Variants in CAMSAP1 observed in about 807,000 individuals in gnomAD.
CAMSAP1 encodes the protein calmodulin regulated spectrin associated protein 1, also known as calmodulin-regulated spectrin-associated protein 1.
Under a neutral mutation model 143.5 loss-of-function variants are expected in CAMSAP1, and 58 were observed. The observed-to-expected ratio is 0.40, with a 90% CI of 0.33 to 0.50. CAMSAP1 has a LOEUF of 0.50. Among genes scored for constraint, CAMSAP1 ranks in the 20% least tolerant of loss-of-function variants. CAMSAP1 has a pLI of 0.45. For missense variants in CAMSAP1, 1,969 were observed against 2,115.7 expected, an observed-to-expected ratio of 0.93 and a Z score of 1.36; for synonymous variants, 945 against 859.3, an observed-to-expected ratio of 1.10 and a Z score of -1.74.
rs924232620 is a variant in CAMSAP1 at position 135,809,358 on chromosome 9, C to G, written c.*1951G>C. On this transcript the variant is annotated 3_prime_UTR_variant, in exon 17 of 17. Transcript: ENST00000389532. ...AGTTTCAGGATGTTCCACACACTGA[C>G]TCATTCCATGGAGAAAATCCAGAAT... 1 of 152,234 alleles carries G rather than the reference C, an allele frequency of 6.6e-6. No homozygotes were observed. Among genetic ancestry groups the G allele is most frequent in the African/African-American group, 2.4e-5 (1 of 41,454 alleles). 9.4% of individuals were successfully genotyped at this position (152,234 alleles called of 1,614,324 possible).
At chr9:135,862,338 A>G (rs991021028) in intron 5 of CAMSAP1, 129 bp downstream of exon 5, 1 of 1,125,676 alleles carries the variant, frequency 8.9e-7, no homozygotes, top group Admixed American at 2.8e-5. Context: ...ATAGGCTAAC[A>G]TCCCAATTTA....
intron 1 of CAMSAP1, among the ~76,000 whole-genome samples, chr9:135,888,926 C>T (rs980075281): frequency 2.6e-5 from 4 of 152,220 alleles, no homozygotes; most frequent in African/African-American, 7.2e-5. Flanking sequence ...AAGCACACAC[C>T]CCACAGGGCG....
chr9:135,891,599 A>G (rs1346765577), intron 1 of CAMSAP1, among the ~76,000 whole-genome samples: 1 of 152,220 alleles, frequency 6.6e-6, no homozygotes, highest in East Asian at 1.9e-4. Context: ...AAGGACTTTA[A>G]CAGGACCCAG....
At position 135,820,234 on chromosome 9, in the gene CAMSAP1, C is replaced by A. The variant is rs544056024; in HGVS notation, c.3822+605G>T. 6.6e-6 allele frequency among the ~76,000 whole-genome samples: 1 copy of A among 152,114 alleles called. No individual in the cohort carries two copies. The highest frequency in any genetic ancestry group is 2.4e-5 in the African/African-American group (1 of 41,416). ...CTATCTAAACATTGAAAAACTACCA[C>A]GAAAACATGGTCTTATCATCTTAGG... On this transcript the variant is annotated intron_variant, in intron 11 of 16. Transcript: ENST00000389532. This position sits in a 1 kb window ranked among gnomAD's most constrained non-coding sequence, Gnocchi z 4.4.
chr9:135,820,952 C>G lies in CAMSAP1; in HGVS notation c.3709G>C (p.Asp1237His). Residue 1237 changes from aspartate (D) to histidine (H), a missense_variant, in exon 11 of 17, where the codon GAC (aspartate) becomes CAC (histidine). Asp to His is a moderately conservative substitution (Grantham distance 81). Around this residue, in one of 4 missense-constraint regions of CAMSAP1, gnomAD observed 1,390 missense variants for 1,420.8 expected, o/e 0.98. Coordinates refer to ENST00000389532, the MANE Select transcript of CAMSAP1 (RefSeq NM_015447.4). The surrounding 1 kb of genome is among the most constrained non-coding windows in gnomAD (Gnocchi z 4.4). Reference protein sequence around the residue: ...LRSRASLIEVDLSDLKAPDED... With the variant: ...LRSRASLIEVHLSDLKAPDED... ...TCGGGGGCCTTCAGGTCGGAGAGGT[C>G]CACTTCAATGAGGCTGGCCCTGCTC... is the stretch of plus-strand genomic sequence containing the variant. The G allele has an allele frequency of 6.2e-7, 1 of 1,613,638 alleles. No homozygotes were observed. Among genetic ancestry groups the G allele is most frequent in the Non-Finnish European group, 8.5e-7 (1 of 1,179,684 alleles).
chr9:135,856,245 T>C (rs1484548523), intron 5 of CAMSAP1, among the ~76,000 whole-genome samples: 1 of 152,112 alleles, frequency 6.6e-6, no homozygotes, highest in African/African-American at 2.4e-5. Flanking sequence ...GGCCTCACCA[T>C]CATGGCGGAA....
At position 135,822,289 on chromosome 9, in the gene CAMSAP1, C is replaced by A. The variant is rs762747347; in HGVS notation, c.2372G>T (p.Arg791Leu). The A allele has an allele frequency of 6.2e-7, 1 of 1,613,844 alleles. No individual in the cohort carries two copies. Among genetic ancestry groups the A allele is most frequent in the African/African-American group, 1.3e-5 (1 of 74,926 alleles). The change falls in exon 11 of 17, where the codon CGC becomes CTC. Residue 791 changes from arginine to leucine, a missense_variant. Physicochemically the swap from Arg to Leu is moderately radical, Grantham distance 102. This residue lies in a region of CAMSAP1 where 1,390 missense variants were observed against 1,420.8 expected (regional missense o/e 0.98). Transcript: ENST00000389532. This position sits in a 1 kb window ranked among gnomAD's most constrained non-coding sequence, Gnocchi z 6.1. ...EHEDKDDASG[R>L]SSPCLSTASQ... ...GGCTGTGCTCAGGCAGGGGCTCGAG[C>A]GGCCGCTGGCGTCATCTTTGTCTTC... is the stretch of plus-strand genomic sequence containing the variant.
At chr9:135,836,340 T>C (rs1260511447) in intron 7 of CAMSAP1, 1 of 983,090 alleles carries the variant, frequency 1.0e-6, no homozygotes, top group East Asian at 1.2e-4. Flanking sequence ...CTTCTACCCA[T>C]TCCGCAGCCA....
chr9:135,832,360 C>T (rs1554790397), intron 7 of CAMSAP1, among the ~76,000 whole-genome samples: 1 of 151,670 alleles, frequency 6.6e-6, no homozygotes, highest in Non-Finnish European at 1.5e-5. Flanking sequence ...GTTCAACATC[C>T]ATTCATGATT....
In CAMSAP1 at chr9:135,821,824, T is replaced by C. The variant is rs768073394; in HGVS notation, c.2837A>G (p.Asp946Gly). The C allele has an allele frequency of 2.5e-6, 4 of 1,613,820 alleles. No individual in the cohort carries two copies. Among genetic ancestry groups the C allele is most frequent in the Non-Finnish European group, 3.4e-6 (4 of 1,179,894 alleles). Residue 946 changes from aspartate (D) to glycine (G), a missense_variant, in exon 11 of 17, where the codon GAC becomes GGC. Physicochemically the swap from Asp to Gly is moderately conservative, Grantham distance 94. Around this residue, in one of 4 missense-constraint regions of CAMSAP1, gnomAD observed 1,390 missense variants for 1,420.8 expected, o/e 0.98. Coordinates refer to ENST00000389532, the MANE Select transcript of CAMSAP1 (RefSeq NM_015447.4). The surrounding 1 kb of genome is among the most constrained non-coding windows in gnomAD (Gnocchi z 4.6). ...GGTTTTGGAAACAGCGTCCCCACAG[T>C]CCTCCCCGTTGTGCTGAGAGTACTC... ...AKEYSQHNGE[D>G]CGDAVSKTED...
chr9:135,851,868 G>A (rs1836795130), intron 5 of CAMSAP1, among the ~76,000 whole-genome samples: 3 of 152,182 alleles, frequency 2.0e-5, no homozygotes, highest in Admixed American at 6.5e-5. Flanking sequence ...GTGTACAGAC[G>A]GGTGTTGCCC....
rs889291393 is a variant in CAMSAP1, at chr9:135,808,780, A to G, written c.*2529T>C. 6 of 152,248 alleles carry G rather than the reference A, an allele frequency of 3.9e-5. No homozygotes were observed. Among genetic ancestry groups the G allele is most frequent in the Admixed American group, 6.5e-5 (1 of 15,284 alleles). The allele number at this position is 152,248 out of a possible 1,614,324, so 9.4% of individuals were successfully genotyped here. A position where few individuals can be genotyped will look rare whatever the true frequency, so the allele number is the denominator to read the frequency against. On this transcript the variant is annotated 3_prime_UTR_variant, in exon 17 of 17. Coordinates refer to ENST00000389532, the MANE Select transcript of CAMSAP1 (RefSeq NM_015447.4). Reference sequence around the variant, plus strand: ...GTATCTGCACATACATGCGTAAAATAATGGGACTCACGCAAGTTTCATTTC... The same window carrying G: ...GTATCTGCACATACATGCGTAAAATGATGGGACTCACGCAAGTTTCATTTC...
chr9:135,894,214 G>A (rs1436168365), intron 1 of CAMSAP1, among the ~76,000 whole-genome samples: 1 of 152,088 alleles, frequency 6.6e-6, no homozygotes, highest in African/African-American at 2.4e-5. Flanking sequence ...GCGGACCTGA[G>A]ACACCCCTCC....
chr9:135,867,469 A>AC (rs371398774), intron 3 of CAMSAP1, among the ~76,000 whole-genome samples: 13 of 123,606 alleles, frequency 1.1e-4, no homozygotes, highest in African/African-American at 2.3e-4. Context: ...ACACAGCAAG[A>AC]CCCCCCTCTT....
At chr9:135,843,314 C>G (rs142024000) in intron 7 of CAMSAP1, among the ~76,000 whole-genome samples, 2,765 of 152,000 alleles carry the variant, frequency 0.018, 47 homozygotes, top group South Asian at 0.074. Context: ...ACAACAAGAG[C>G]GAAACTCCAT....
intron 3 of CAMSAP1, among the ~76,000 whole-genome samples, chr9:135,880,622 G>A (rs1837912604): frequency 6.6e-6 from 1 of 152,182 alleles, no homozygotes; most frequent in African/African-American, 2.4e-5. Flanking sequence ...CGACGGAGGG[G>A]TCTTCCAGGG....
chr9:135,863,537 G>T (rs1009530998), intron 4 of CAMSAP1, among the ~76,000 whole-genome samples: 2 of 152,230 alleles, frequency 1.3e-5, no homozygotes, highest in Admixed American at 6.5e-5. Flanking sequence ...ACTGATTTCT[G>T]AGAGTCATGC....
At chr9:135,869,043 G>A (rs1330495374) in intron 3 of CAMSAP1, among the ~76,000 whole-genome samples, 1 of 152,044 alleles carries the variant, frequency 6.6e-6, no homozygotes, top group African/African-American at 2.4e-5. Context: ...CAAAACCCTG[G>A]GTGGGTAAAA....
In CAMSAP1 at chr9:135,821,674, A is replaced by G. The variant is rs746108156; in HGVS notation, c.2987T>C (p.Leu996Pro). ...AGCGGAGATCACCTTATTTCTCTCC[A>G]GCTCGTGCAGAGCCACAGGGTCTTT... ...KAKDPVALHELERNKVISAAL... is the reference protein window; with the variant it reads ...KAKDPVALHEPERNKVISAAL... Residue 996 changes from leucine (L) to proline (P), a missense_variant, in exon 11 of 17, where the codon CTG (leucine) becomes CCG (proline). Leu to Pro is a moderately conservative substitution (Grantham distance 98). This residue lies in a region of CAMSAP1 where 1,390 missense variants were observed against 1,420.8 expected (regional missense o/e 0.98). Coordinates refer to ENST00000389532, the MANE Select transcript of CAMSAP1 (RefSeq NM_015447.4). This position sits in a 1 kb window ranked among gnomAD's most constrained non-coding sequence, Gnocchi z 4.6. 1 of 1,614,018 alleles carries G rather than the reference A, an allele frequency of 6.2e-7. No individual in the cohort carries two copies. Among genetic ancestry groups the G allele is most frequent in the Admixed American group, 1.7e-5 (1 of 60,022 alleles).
Sources: allele counts gnomAD v4.1 joint callset (sites outside exome capture counted in the v4.1 genomes callset), GRCh38; gene constraint gnomAD v4.1.1; regional missense constraint gnomAD v4.1.1; non-coding constraint Gnocchi (gnomAD v3.1); transcripts MANE v1.5; gene names NCBI Gene and HGNC (gene_info 2026-07-23, HGNC 2026-07-21).